Variants in MRPS18C observed in about 807,000 individuals in gnomAD.
The protein encoded by MRPS18C is mitochondrial ribosomal protein S18C, also known as small ribosomal subunit protein bS18m.
Under a neutral mutation model 21.0 loss-of-function variants are expected in MRPS18C, and 21 were observed. The ratio of observed to expected loss-of-function variants is 1.00; its 90% CI spans 0.71 to 1.44. The LOEUF (loss-of-function observed/expected upper bound fraction) is 1.44, where lower values mean the gene tolerates loss of function less well. Ranked by LOEUF, MRPS18C falls within the 40% of genes most tolerant of loss-of-function variation. The pLI is 0.00. For missense variants in MRPS18C, 152 were observed against 171.5 expected, an observed-to-expected ratio of 0.89 and a Z score of 0.64; for synonymous variants, 65 against 54.3, an observed-to-expected ratio of 1.20 and a Z score of -0.87.
chr4:83,459,430 A>T, intron 3 of MRPS18C: 1 of 243,568 alleles, frequency 4.1e-6, no homozygotes, highest in Non-Finnish European at 7.9e-6. Context: ...GTCAGGATAG[A>T]TGAAATTTTT....
rs1578117913 is a variant in MRPS18C, at chr4:83,458,688, A to G, written c.234+259A>G. ...AAACATCTTAATAGCTCCCTGTGGCAGTAATTCTCAATTGGTGAGGGTCAG... is the reference window on the plus strand; with the variant it reads ...AAACATCTTAATAGCTCCCTGTGGCGGTAATTCTCAATTGGTGAGGGTCAG... On this transcript the variant is annotated intron_variant, in intron 3 of 5. Coordinates refer to ENST00000295491, the MANE Select transcript of MRPS18C (RefSeq NM_016067.4). The G allele has an allele frequency of 9.7e-6, 3 of 310,848 alleles. No homozygotes were observed. In the East Asian group the frequency reaches 2.3e-4, roughly 24 times the overall value. 19.3% of individuals were successfully genotyped at this position (310,848 alleles called of 1,614,324 possible). A position where few individuals can be genotyped will look rare whatever the true frequency, so the allele number is the denominator to read the frequency against.
In MRPS18C at chr4:83,456,277, T is replaced by G. The variant is rs930056942; in HGVS notation, c.100+100T>G. 1.9e-5 allele frequency: 20 copies of G among 1,069,258 alleles called. No homozygotes were observed. In the Admixed American group the frequency reaches 3.1e-4, roughly 16 times the overall value. 66.2% of individuals were successfully genotyped at this position (1,069,258 alleles called of 1,614,324 possible). Reference sequence around the variant, plus strand: ...CTGTTAGCAAAACGACTCTGGTTTCTAGGCGATTAAGTTTCTCCAAGATGG... The same window carrying G: ...CTGTTAGCAAAACGACTCTGGTTTCGAGGCGATTAAGTTTCTCCAAGATGG... On this transcript the variant is annotated intron_variant, in intron 1 of 5. Coordinates refer to ENST00000295491, the MANE Select transcript of MRPS18C (RefSeq NM_016067.4).
At position 83,461,289 on chromosome 4, in the gene MRPS18C, G is replaced by GT; in HGVS notation, c.*95dup. 1 of 1,061,750 alleles carries GT rather than the reference G, an allele frequency of 9.4e-7. No homozygotes were observed. The highest frequency in any genetic ancestry group is 1.3e-5 in the South Asian group (1 of 77,888). The allele number at this position is 1,061,750 out of a possible 1,614,324, so 65.8% of individuals were successfully genotyped here. On this transcript the variant is annotated 3_prime_UTR_variant, in exon 6 of 6. Coordinates refer to ENST00000295491, the MANE Select transcript of MRPS18C (RefSeq NM_016067.4). Reference sequence around the variant, plus strand: ...CAAACCAACCTTTGGATAGAAAAGTGTTTGAGGAGTGAGGTAAAGAATGAC... The same window carrying GT: ...CAAACCAACCTTTGGATAGAAAAGTGTTTTGAGGAGTGAGGTAAAGAATGAC...
chr4:83,456,931 A>T lies in MRPS18C; in HGVS notation c.123A>T (p.Ser41=). The T allele has an allele frequency of 6.2e-7, 1 of 1,612,534 alleles. No individual in the cohort carries two copies. The highest frequency in any genetic ancestry group is 2.2e-5 in the East Asian group (1 of 44,856). ...CAGTGCTTTGGAGAAGAGGTTGTTCACAACAGGTATCCAGCAATGAGGACC... is the reference window on the plus strand; with the variant it reads ...CAGTGCTTTGGAGAAGAGGTTGTTCTCAACAGGTATCCAGCAATGAGGACC... ...THTVLWRRGC[S]QQVSSNEDLP... is the part of the protein sequence containing the mutation. The change falls in exon 2 of 6, where the codon TCA becomes TCT. Residue 41 remains serine, a synonymous_variant. Transcript: ENST00000295491.
intron 1 of MRPS18C, 61 bp from the exon 2 acceptor site, chr4:83,456,848 A>G: frequency 6.4e-7 from 1 of 1,551,224 alleles, no homozygotes; most frequent in East Asian, 2.2e-5. Flanking sequence ...TAAAAACAAA[A>G]ATCTTTAGCT....
intron 3 of MRPS18C, 147 bp downstream of exon 3, chr4:83,458,576 A>T: frequency 1.8e-6 from 1 of 566,846 alleles, no homozygotes; most frequent in Non-Finnish European, 3.0e-6. Context: ...AATTCTATGT[A>T]TAAGCTTATC....
In MRPS18C at chr4:83,461,586, A is replaced by G; in HGVS notation, c.*389A>G. The G allele has an allele frequency of 3.4e-6, 1 of 293,050 alleles. No individual in the cohort carries two copies. Among genetic ancestry groups the G allele is most frequent in the Non-Finnish European group, 6.5e-6 (1 of 152,688 alleles). 18.2% of individuals were successfully genotyped at this position (293,050 alleles called of 1,614,324 possible). ...TGGATAGTGGTGCTGTCACAGAAGGACAAAATATTCCTAGACGAGTCTACC... is the reference window on the plus strand; with the variant it reads ...TGGATAGTGGTGCTGTCACAGAAGGGCAAAATATTCCTAGACGAGTCTACC... On this transcript the variant is annotated 3_prime_UTR_variant, in exon 6 of 6. Transcript: ENST00000295491.
rs371040788 is a variant in MRPS18C at position 83,456,197 on chromosome 4, T to C, written c.100+20T>C. On this transcript the variant is annotated intron_variant, in intron 1 of 5. Transcript: ENST00000295491. Reference sequence around the variant, plus strand: ...ACACGGGTAAAGTCTCCATATCCTATGCTCCATTGTAGCGCTGCAGGCATT... The same window carrying C: ...ACACGGGTAAAGTCTCCATATCCTACGCTCCATTGTAGCGCTGCAGGCATT... 93 of 1,599,032 alleles carry C rather than the reference T, an allele frequency of 5.8e-5. No homozygotes were observed. Among genetic ancestry groups the C allele is most frequent in the Non-Finnish European group, 8.0e-5 (93 of 1,168,370 alleles).
rs765871091 is a variant in MRPS18C at position 83,456,992 on chromosome 4, G to A, written c.150+34G>A. The stretch of plus-strand genomic sequence containing the variant: ...TTTTTTTTCTATTAGTAAGGCCTTT[G>A]CAAATATGACCAAAATGTTTTTCTT... On this transcript the variant is annotated intron_variant, in intron 2 of 5. Coordinates refer to ENST00000295491, the MANE Select transcript of MRPS18C (RefSeq NM_016067.4). 1.1e-5 allele frequency: 17 copies of A among 1,578,900 alleles called. No individual in the cohort carries two copies. The South Asian group carries it at 1.9e-4, about 18-fold the overall frequency.
In MRPS18C at chr4:83,461,643, A is replaced by T; in HGVS notation, c.*446A>T. ...CCAGTAGTGTCTTTTACATGAAGAG[A>T]TGATTTACACCTAATAGACATTGAA... On this transcript the variant is annotated 3_prime_UTR_variant, in exon 6 of 6. Coordinates refer to ENST00000295491, the MANE Select transcript of MRPS18C (RefSeq NM_016067.4). 1 of 274,620 alleles carries T rather than the reference A, an allele frequency of 3.6e-6. No individual in the cohort carries two copies. The highest frequency in any genetic ancestry group is 5.2e-5 in the East Asian group (1 of 19,338). The allele number at this position is 274,620 out of a possible 1,614,324, so 17.0% of individuals were successfully genotyped here. A position where few individuals can be genotyped will look rare whatever the true frequency, so the allele number is the denominator to read the frequency against.
In MRPS18C at chr4:83,460,600, C is replaced by T. The variant is rs183214388; in HGVS notation, c.293-373C>T. On this transcript the variant is annotated intron_variant, in intron 4 of 5. Transcript: ENST00000295491. Reference sequence around the variant, plus strand: ...CCCTTGACAAAAATGATTTACCAATCCTTGACTTAAAAACTTGTTGAGGCT... The same window carrying T: ...CCCTTGACAAAAATGATTTACCAATTCTTGACTTAAAAACTTGTTGAGGCT... 2.3e-5 allele frequency: 5 copies of T among 213,496 alleles called. No individual in the cohort carries two copies. In the East Asian group the frequency reaches 5.6e-4, roughly 24 times the overall value. The allele number at this position is 213,496 out of a possible 1,614,324, so 13.2% of individuals were successfully genotyped here. A position where few individuals can be genotyped will look rare whatever the true frequency, so the allele number is the denominator to read the frequency against.
intron 2 of MRPS18C, chr4:83,457,256 ATT>A (rs1252329493): frequency 7.9e-6 from 2 of 254,542 alleles, no homozygotes; most frequent in African/African-American, 2.6e-5. Flanking sequence ...TGATTTGGGA[ATT>A]GTTTTTTTTT....
rs1578120130 is a variant in MRPS18C, at chr4:83,460,652, C to A, written c.293-321C>A. On this transcript the variant is annotated intron_variant, in intron 4 of 5. Transcript: ENST00000295491. ...GGCATGTTGGCTCACACCTGTAATC[C>A]CAGCACTTTGGGAGGCTGAGGTGGG... The A allele has an allele frequency of 2.2e-5, 6 of 277,806 alleles. No homozygotes were observed. The East Asian group carries it at 5.9e-4, about 28-fold the overall frequency. 17.2% of individuals were successfully genotyped at this position (277,806 alleles called of 1,614,324 possible). A position where few individuals can be genotyped will look rare whatever the true frequency, so the allele number is the denominator to read the frequency against.
intron 4 of MRPS18C, 87 bp from the exon 5 acceptor site, chr4:83,460,886 A>T: frequency 8.9e-7 from 1 of 1,121,296 alleles, no homozygotes; most frequent in Non-Finnish European, 1.3e-6. Flanking sequence ...AGCCTGGGTG[A>T]CACAGGGAGA....
At chr4:83,459,869 A>G (rs1282047067) in intron 4 of MRPS18C, 72 bp downstream of exon 4, 3 of 1,338,250 alleles carry the variant, frequency 2.2e-6, no homozygotes, top group Non-Finnish European at 3.1e-6. Context: ...TCATTTAAGA[A>G]AACTCAAATT....
At position 83,456,128 on chromosome 4, in the gene MRPS18C, A is replaced by T; in HGVS notation, c.51A>T (p.Thr17=). 6.2e-7 allele frequency: 1 copy of T among 1,613,396 alleles called. No homozygotes were observed. Among genetic ancestry groups the T allele is most frequent in the Non-Finnish European group, 8.5e-7 (1 of 1,180,002 alleles). ...GTGGTCTAGGGAGGAAGAAGTTGACACACTTGGTAACGGCTGCTGTCAGCC... is the reference window on the plus strand; with the variant it reads ...GTGGTCTAGGGAGGAAGAAGTTGACTCACTTGGTAACGGCTGCTGTCAGCC... ...VCGGLGRKKL[T]HLVTAAVSLT... is the part of the protein sequence containing the mutation. The change falls in exon 1 of 6, where the codon ACA becomes ACT. Residue 17 remains threonine (T), a synonymous_variant. Coordinates refer to ENST00000295491, the MANE Select transcript of MRPS18C (RefSeq NM_016067.4).
chr4:83,456,373 T>A (rs1406956741), intron 1 of MRPS18C, among the ~76,000 whole-genome samples, 196 bp downstream of exon 1: 1 of 152,178 alleles, frequency 6.6e-6, no homozygotes, highest in East Asian at 1.9e-4. Context: ...TTTAAACGTA[T>A]GAGGAAGTTG....
At chr4:83,458,753 A>T in intron 3 of MRPS18C, 1 of 224,842 alleles carries the variant, frequency 4.4e-6, no homozygotes, top group Non-Finnish European at 8.6e-6. Context: ...TGATCTCTTT[A>T]TCTCACCACC....
intron 4 of MRPS18C, chr4:83,460,713 G>A (rs889218453): frequency 2.6e-6 from 1 of 386,406 alleles, no homozygotes; most frequent in Admixed American, 4.4e-5. Flanking sequence ...GGACCAGCCT[G>A]GCCAATATGG....
Sources: gnomAD v4.1 joint callset for allele counts (sites outside exome capture counted in the v4.1 genomes callset) on GRCh38, gnomAD v4.1.1 for gene constraint, MANE v1.5 for transcripts, NCBI Gene and HGNC (gene_info 2026-07-23, HGNC 2026-07-21) for gene names.